LRRC39: variants seen among roughly 807,000 people sequenced by gnomAD.
LRRC39 encodes leucine-rich repeat-containing protein 39.
In LRRC39, 35 loss-of-function variants were observed where a neutral mutation model predicts 39.7. The ratio of observed to expected loss-of-function variants is 0.88; its 90% CI spans 0.67 to 1.17. The LOEUF (loss-of-function observed/expected upper bound fraction) is 1.17, where lower values mean the gene tolerates loss of function less well. Among genes scored for constraint, LRRC39 ranks in the 50% most tolerant of loss-of-function variants. The pLI is 0.00. For missense variants in LRRC39, 357 were observed against 385.8 expected, an observed-to-expected ratio of 0.93 and a Z score of 0.62; for synonymous variants, 113 against 134.1, an observed-to-expected ratio of 0.84 and a Z score of 1.09.
At chr1:100,153,840 C>T (rs911192300) in intron 8 of LRRC39, among the ~76,000 whole-genome samples, 3 of 152,188 alleles carry the variant, frequency 2.0e-5, no homozygotes, top group East Asian at 3.9e-4. Context: ...ACTGCAACCT[C>T]GAACTCCTGG....
Position 100,160,462 on chromosome 1 carries a change from T to C in LRRC39, c.219+4A>G. On this transcript the variant is annotated splice_donor_region_variant and intron_variant, in intron 4 of 9. Transcript: ENST00000370137. ...GGAAAATCAAATATTCTATAAAAGC[T>C]TACCTTCCATTCCTCTTTTTCTATC... 6.2e-7 allele frequency: 1 copy of C among 1,608,580 alleles called. No individual in the cohort carries two copies. The highest frequency in any genetic ancestry group is 8.5e-7 in the Non-Finnish European group (1 of 1,176,282).
intron 3 of LRRC39, among the ~76,000 whole-genome samples, chr1:100,163,431 G>A (rs1659022821): frequency 6.6e-6 from 1 of 152,044 alleles, no homozygotes; most frequent in Admixed American, 6.5e-5. Context: ...TTCTGGTTCT[G>A]TGTTTTTATG....
At chr1:100,149,321 C>A in intron 9 of LRRC39, 1 of 1,539,610 alleles carries the variant, frequency 6.5e-7, no homozygotes, top group South Asian at 1.2e-5. Flanking sequence ...GCAGACAATT[C>A]AGAGATATTC....
intron 5 of LRRC39, among the ~76,000 whole-genome samples, chr1:100,158,845 C>T (rs961088924): frequency 2.7e-5 from 4 of 150,762 alleles, no homozygotes; most frequent in African/African-American, 9.8e-5. Context: ...ACAAGTTTAT[C>T]CGTGCAATAG....
rs777033841 is a variant in LRRC39, at chr1:100,148,577, ACT to A, written c.*463_*464del. The A allele has an allele frequency of 1.3e-6, 2 of 1,544,924 alleles. No individual in the cohort carries two copies. ...TAGTGACAAAAATAATTTTTTATAA[ACT>A]TTTGCAAAATTTTAACAATGTTTTG... On this transcript the variant is annotated 3_prime_UTR_variant, in exon 10 of 10. Transcript: ENST00000370137.
intron 9 of LRRC39, chr1:100,150,051 A>G (rs1266073116): frequency 6.6e-6 from 1 of 152,334 alleles, no homozygotes; most frequent in Non-Finnish European, 1.5e-5. Context: ...CATGCTACCT[A>G]ATCTCTTTGT....
chr1:100,163,144 G>A (rs555548176), intron 3 of LRRC39, among the ~76,000 whole-genome samples: 21 of 152,224 alleles, frequency 1.4e-4, no homozygotes, highest in Non-Finnish European at 2.5e-4. Context: ...TATAATGTCA[G>A]CTATTCAATT....
chr1:100,166,042 G>T (rs765415937), intron 3 of LRRC39, among the ~76,000 whole-genome samples: 3 of 151,714 alleles, frequency 2.0e-5, no homozygotes, highest in Non-Finnish European at 2.9e-5. Flanking sequence ...GTCTGGCTGA[G>T]GATTCCCCTT....
At position 100,159,309 on chromosome 1, in the gene LRRC39, A is replaced by C. The variant is rs780755554; in HGVS notation, c.326T>G (p.Ile109Ser). ...TGTGTTTCGAGATAAATCTAACACA[A>C]TGAGGTTCTGGAATCTTCCAATGAA... is the stretch of plus-strand genomic sequence containing the variant. ...PEFIGRFQNL[I>S]VLDLSRNTIS... The change falls in exon 5 of 10, where the codon ATT (isoleucine) becomes AGT (serine). Residue 109 changes from isoleucine to serine, a missense_variant. Physicochemically the swap from Ile to Ser is moderately radical, Grantham distance 142. Coordinates refer to ENST00000370137, the MANE Select transcript of LRRC39 (RefSeq NM_144620.4). The C allele has an allele frequency of 6.2e-7, 1 of 1,610,888 alleles. No individual in the cohort carries two copies. The highest frequency in any genetic ancestry group is 1.7e-5 in the Admixed American group (1 of 59,648).
intron 2 of LRRC39, among the ~76,000 whole-genome samples, chr1:100,169,431 TGG>T (rs1659453924): frequency 1.3e-5 from 2 of 152,196 alleles, no homozygotes; most frequent in African/African-American, 4.8e-5. Flanking sequence ...ATATTCTGTA[TGG>T]AGAGAAACTT....
At position 100,149,049 on chromosome 1, in the gene LRRC39, T is replaced by A; in HGVS notation, c.1001A>T (p.Asp334Val). The part of the protein sequence containing the change: ...STTLPISINT[D>V]G Reference sequence around the variant, plus strand: ...AGGGCATCTTGAATTATATTATCCATCCGTATTTATGGAGATTGGTAAAGT... The same window carrying A: ...AGGGCATCTTGAATTATATTATCCAACCGTATTTATGGAGATTGGTAAAGT... Residue 334 changes from aspartate to valine, a missense_variant, in exon 10 of 10, where the codon GAT becomes GTT. Coordinates refer to ENST00000370137, the MANE Select transcript of LRRC39 (RefSeq NM_144620.4). The A allele has an allele frequency of 6.3e-7, 1 of 1,592,210 alleles. No homozygotes were observed. Among genetic ancestry groups the A allele is most frequent in the Non-Finnish European group, 8.5e-7 (1 of 1,171,874 alleles).
intron 8 of LRRC39, among the ~76,000 whole-genome samples, chr1:100,154,281 T>C (rs147874151): frequency 2.0e-5 from 3 of 152,332 alleles, no homozygotes; most frequent in Non-Finnish European, 4.4e-5. Flanking sequence ...TTTTCAGTTA[T>C]CAAAATTGTG....
chr1:100,175,349 GTTT>G (rs576646143), intron 1 of LRRC39, among the ~76,000 whole-genome samples: 2 of 133,262 alleles, frequency 1.5e-5, no homozygotes, highest in African/African-American at 2.7e-5. Context: ...CAGTGTGCCA[GTTT>G]TTTTTTTTTT....
chr1:100,156,105 TG>T, intron 7 of LRRC39, 66 bp downstream of exon 7: 4 of 1,475,076 alleles, frequency 2.7e-6, no homozygotes, highest in Middle Eastern at 3.6e-4. Flanking sequence ...CCATTTGTCT[TG>T]CTTGGTTATT....
chr1:100,179,499 CAAA>C (rs60588308), upstream of LRRC39, among the ~76,000 whole-genome samples: 84 of 45,620 alleles, frequency 1.8e-3, 1 homozygote, highest in South Asian at 0.021. Context: ...CTGTATCTAC[CAAA>C]AAAAAAAAAA....
At chr1:100,159,214 T>C in intron 5 of LRRC39, 45 bp downstream of exon 5, 1 of 1,510,730 alleles carries the variant, frequency 6.6e-7, no homozygotes, top group Non-Finnish European at 8.9e-7. Context: ...AAAGCACATC[T>C]GCAGGTGGAT....
At position 100,173,379 on chromosome 1, in the gene LRRC39, G is replaced by A. The variant is rs1659759402; in HGVS notation, c.-118-9C>T. ...GTAATATTCTGAATAGACTAGAAGAGAAAGAAAATATGATCATTCCAATAG... is the reference window on the plus strand; with the variant it reads ...GTAATATTCTGAATAGACTAGAAGAAAAAGAAAATATGATCATTCCAATAG... On this transcript the variant is annotated splice_polypyrimidine_tract_variant and intron_variant, in intron 1 of 9. Transcript: ENST00000370137. 6.6e-6 allele frequency: 1 copy of A among 152,102 alleles called. No homozygotes were observed. Among genetic ancestry groups the A allele is most frequent in the Non-Finnish European group, 1.5e-5 (1 of 68,016 alleles). The allele number at this position is 152,102 out of a possible 1,614,324, so 9.4% of individuals were successfully genotyped here.
chr1:100,150,762 A>G (rs1487155552), intron 9 of LRRC39, among the ~76,000 whole-genome samples: 1 of 152,196 alleles, frequency 6.6e-6, no homozygotes, highest in Admixed American at 6.5e-5. Context: ...TTCAGATTCA[A>G]CAAACCTCTT....
At chr1:100,174,028 A>G (rs374577821) in intron 1 of LRRC39, among the ~76,000 whole-genome samples, 8 of 152,312 alleles carry the variant, frequency 5.3e-5, no homozygotes, top group South Asian at 2.1e-4. Flanking sequence ...ACTATAATCA[A>G]TCTCAATACA....
Sources: gnomAD v4.1 joint callset for allele counts (sites outside exome capture counted in the v4.1 genomes callset) on GRCh38, gnomAD v4.1.1 for gene constraint, MANE v1.5 for transcripts, NCBI Gene and HGNC (gene_info 2026-07-23, HGNC 2026-07-21) for gene names.